METTL25: variants seen among roughly 807,000 people sequenced by gnomAD.
METTL25 encodes the protein probable methyltransferase-like protein 25.
A neutral mutation model predicts 71.6 loss-of-function variants in METTL25; 64 were observed. The observed-to-expected ratio is 0.89, with a 90% CI of 0.73 to 1.10. The LOEUF (loss-of-function observed/expected upper bound fraction) is 1.10, where lower values mean the gene tolerates loss of function less well. Among genes scored for constraint, METTL25 ranks in the 50% least tolerant of loss-of-function variants. METTL25 has a pLI of 0.00. For synonymous variants in METTL25, 287 were observed against 250.3 expected (o/e 1.15, Z -1.38); for missense variants, 807 against 707.0 (o/e 1.14, Z -1.60).
At chr12:82,396,907 C>T (rs1258361950) in intron 3 of METTL25, among the ~76,000 whole-genome samples, 1 of 152,030 alleles carries the variant, frequency 6.6e-6, no homozygotes, top group Admixed American at 6.6e-5. Context: ...CAATTGATAT[C>T]TTTTTGTGTA....
chr12:82,469,638 C>G (rs1257032659), intron 9 of METTL25, among the ~76,000 whole-genome samples: 2 of 151,838 alleles, frequency 1.3e-5, no homozygotes, highest in African/African-American at 4.8e-5. Context: ...CACAGCCAAA[C>G]CATATCACCT....
chr12:82,463,063 C>G (rs1891994021), intron 9 of METTL25, among the ~76,000 whole-genome samples: 1 of 151,886 alleles, frequency 6.6e-6, no homozygotes, highest in African/African-American at 2.4e-5. Context: ...ATTTATCATT[C>G]CTTTGTGTTG....
At chr12:82,386,469 T>C (rs76162534) in intron 1 of METTL25, among the ~76,000 whole-genome samples, 5 of 74,640 alleles carry the variant, frequency 6.7e-5, no homozygotes, top group African/African-American at 2.6e-4. Context: ...CTCTCTCCCT[T>C]CCTCCCTCCC....
At chr12:82,363,791 A>G (rs1330556490) in intron 1 of METTL25, among the ~76,000 whole-genome samples, 2 of 151,868 alleles carry the variant, frequency 1.3e-5, no homozygotes, top group Non-Finnish European at 2.9e-5. Flanking sequence ...AGTAAGCCCT[A>G]ATGCTGGATT....
chr12:82,462,731 C>T (rs541030192), intron 9 of METTL25, among the ~76,000 whole-genome samples: 3 of 152,066 alleles, frequency 2.0e-5, no homozygotes, highest in Non-Finnish European at 4.4e-5. Flanking sequence ...TGAATACAGT[C>T]GTTCCTTGCT....
At position 82,430,876 on chromosome 12, in the gene METTL25, T is replaced by C. The variant is rs1276859805; in HGVS notation, c.1280-17T>C. On this transcript the variant is annotated splice_polypyrimidine_tract_variant and intron_variant, in intron 5 of 11. Transcript: ENST00000248306. ...AGAATTTTATTTAAATAATCCGTATTTTTCCCCCATCTGCAGAACGTACTC... is the reference window on the plus strand; with the variant it reads ...AGAATTTTATTTAAATAATCCGTATCTTTCCCCCATCTGCAGAACGTACTC... The C allele has an allele frequency of 1.5e-6, 2 of 1,351,198 alleles. No homozygotes were observed. The highest frequency in any genetic ancestry group is 1.5e-5 in the African/African-American group (1 of 68,114). 83.7% of individuals were successfully genotyped at this position (1,351,198 alleles called of 1,614,324 possible).
chr12:82,427,813 A>G (rs1029841165), intron 5 of METTL25, among the ~76,000 whole-genome samples: 1 of 151,708 alleles, frequency 6.6e-6, no homozygotes, highest in African/African-American at 2.4e-5. Context: ...AGATTTTGCT[A>G]TATTCCAAGA....
rs957839518 is a variant in METTL25 at position 82,438,653 on chromosome 12, C to A, written c.1405-65C>A. On this transcript the variant is annotated intron_variant, in intron 7 of 11. Transcript: ENST00000248306. ...GACAGTCACGTGTGGTTCCAACATT[C>A]TGGTATTTATTTTATTTCTGTTTTT... is the stretch of plus-strand genomic sequence containing the variant. 61 of 1,001,944 alleles carry A rather than the reference C, an allele frequency of 6.1e-5. No homozygotes were observed. In the African/African-American group the frequency reaches 9.5e-4, roughly 16 times the overall value. 62.1% of individuals were successfully genotyped at this position (1,001,944 alleles called of 1,614,324 possible).
At chr12:82,478,343 ATATCT>A (rs995526966) in intron 11 of METTL25, among the ~76,000 whole-genome samples, 17 of 151,842 alleles carry the variant, frequency 1.1e-4, no homozygotes, top group African/African-American at 3.1e-4. Context: ...ATTTCAATTA[ATATCT>A]TATAAAGTAA....
chr12:82,403,660 G>A (rs1886833422), intron 5 of METTL25, among the ~76,000 whole-genome samples: 1 of 152,172 alleles, frequency 6.6e-6, no homozygotes, highest in Non-Finnish European at 1.5e-5. Flanking sequence ...TATGCTACCT[G>A]TACTTAGAAG....
Position 82,476,635 on chromosome 12 carries a change from A to C in METTL25, c.1573-9A>C, listed in dbSNP as rs1359030781. ...ATCGTTAAATTTATTGTTGTTTTTT[A>C]TCTTGAAGCTGCCAGAAAAAATTAT... On this transcript the variant is annotated splice_polypyrimidine_tract_variant and intron_variant, in intron 9 of 11. Transcript: ENST00000248306. 6.4e-7 allele frequency: 1 copy of C among 1,558,200 alleles called. No individual in the cohort carries two copies. Among genetic ancestry groups the C allele is most frequent in the South Asian group, 1.2e-5 (1 of 85,548 alleles).
intron 8 of METTL25, among the ~76,000 whole-genome samples, chr12:82,446,799 TA>T (rs1264483838): frequency 1.3e-5 from 2 of 151,606 alleles, no homozygotes; most frequent in Non-Finnish European, 2.9e-5. Context: ...GTACTTTTAG[TA>T]GAGACGGGGT....
rs368242520 is a variant in METTL25, at chr12:82,436,719, TATAA to T, written c.1405-1995_1405-1992del. On this transcript the variant is annotated intron_variant, in intron 7 of 11. Transcript: ENST00000248306. ...TATTTTACAATCATTTTAATAACAA[TATAA>T]ATACATATTTATTTCAAAGTTATCT... Among the ~76,000 whole-genome samples, 182 of 151,704 alleles carry T rather than the reference TATAA, an allele frequency of 1.2e-3. 1 individual carries two copies. The highest frequency in any genetic ancestry group is 4.3e-3 in the African/African-American group (177 of 41,494).
At chr12:82,463,894 A>T (rs34761820) in intron 9 of METTL25, among the ~76,000 whole-genome samples, 4,039 of 151,872 alleles carry the variant, frequency 0.027, 72 homozygotes, top group Admixed American at 0.047. Context: ...CTTTTGAGAA[A>T]TATCAGTGCA....
chr12:82,408,856 T>C (rs1042187226), intron 5 of METTL25, among the ~76,000 whole-genome samples: 4 of 152,106 alleles, frequency 2.6e-5, no homozygotes, highest in African/African-American at 9.7e-5. Flanking sequence ...TCCTGTAATA[T>C]ATCAAGCACT....
At chr12:82,430,711 T>A (rs1480616881) in intron 5 of METTL25, among the ~76,000 whole-genome samples, 182 bp from the exon 6 acceptor site, 1 of 151,732 alleles carries the variant, frequency 6.6e-6, no homozygotes, top group Non-Finnish European at 1.5e-5. Context: ...AAATACCATT[T>A]TCATAACATT....
At chr12:82,368,661 A>T (rs554934795) in intron 1 of METTL25, among the ~76,000 whole-genome samples, 136 of 152,338 alleles carry the variant, frequency 8.9e-4, no homozygotes, top group African/African-American at 3.2e-3. Context: ...AGTCAATTGA[A>T]TAAAAGATAC....
At chr12:82,399,454 A>C in intron 4 of METTL25, 60 bp downstream of exon 4, 1 of 1,284,912 alleles carries the variant, frequency 7.8e-7, no homozygotes, top group Non-Finnish European at 1.1e-6. Flanking sequence ...CAATTTTAAT[A>C]GTAGCTTACT....
At chr12:82,361,345 T>G (rs922443009) in intron 1 of METTL25, among the ~76,000 whole-genome samples, 1 of 152,220 alleles carries the variant, frequency 6.6e-6, no homozygotes, top group Non-Finnish European at 1.5e-5. Flanking sequence ...GGAGCCCAGC[T>G]GGCTTCACCT....
Sources: allele counts gnomAD v4.1 joint callset (sites outside exome capture counted in the v4.1 genomes callset), GRCh38; gene constraint gnomAD v4.1.1; transcripts MANE v1.5; gene names NCBI Gene and HGNC (gene_info 2026-07-23, HGNC 2026-07-21).